Variants in TDRD12 observed in about 807,000 individuals in gnomAD.
TDRD12 encodes the protein tudor domain containing 12.
A neutral mutation model predicts 133.5 loss-of-function variants in TDRD12; 158 were observed. That is an observed-to-expected ratio of 1.18 (90% CI 1.04 to 1.35). TDRD12 has a LOEUF of 1.35. Among genes scored for constraint, TDRD12 ranks in the 40% most tolerant of loss-of-function variants. The pLI, the probability that TDRD12 is intolerant of heterozygous loss-of-function variation, is 0.00. For synonymous variants in TDRD12, 460 were observed against 477.9 expected, an observed-to-expected ratio of 0.96 and a Z score of 0.49; for missense variants, 1,443 against 1,321.3, an observed-to-expected ratio of 1.09 and a Z score of -1.43.
chr19:32,781,341 C>G (rs1970760066), intron 11 of TDRD12, among the ~76,000 whole-genome samples: 1 of 152,212 alleles, frequency 6.6e-6, no homozygotes, highest in African/African-American at 2.4e-5. Flanking sequence ...CAGACCCTTT[C>G]TGCCTGCTTT....
intron 6 of TDRD12, among the ~76,000 whole-genome samples, chr19:32,750,789 A>G (rs771636769): frequency 1.3e-5 from 2 of 152,116 alleles, no homozygotes; most frequent in Non-Finnish European, 2.9e-5. Flanking sequence ...GTTTTGTAGA[A>G]TGTTCCTCAA....
chr19:32,750,820 T>C lies in TDRD12; in HGVS notation c.582+951T>C, dbSNP rs60277599. 1.0e-3 allele frequency among the ~76,000 whole-genome samples: 158 copies of C among 152,318 alleles called. 3 individuals carry two copies. The East Asian group carries it at 0.02, about 20-fold the overall frequency. ...CTCAATTTGGTTTGCCTGATGTTCC[T>C]CATCATTGTATTAAGGCTATGCATT... On this transcript the variant is annotated intron_variant, in intron 6 of 27. Transcript: ENST00000444215.
exon 10 of TDRD12, chr19:32,827,372 C>CTTTTATT: frequency 1.7e-5 from 2 of 120,310 alleles, no homozygotes; most frequent in Non-Finnish European, 2.7e-5. Flanking sequence ...CTTTTCTTTT[C>CTTTTATT]TTTTTTTTTT....
At chr19:32,782,623 C>T (rs972182870) in intron 11 of TDRD12, among the ~76,000 whole-genome samples, 32 of 152,232 alleles carry the variant, frequency 2.1e-4, no homozygotes, top group Admixed American at 1.8e-3. Flanking sequence ...TCCTCTCCAG[C>T]GTCTGTTGTT....
intron 8 of TDRD12, among the ~76,000 whole-genome samples, chr19:32,768,053 C>T (rs1019171878): frequency 6.6e-6 from 1 of 152,170 alleles, no homozygotes. Flanking sequence ...CATAGCTGGA[C>T]TCATTTTCTT....
chr19:32,824,305 A>G (rs140156554), downstream of TDRD12: 1 of 152,672 alleles, frequency 6.5e-6, no homozygotes, highest in East Asian at 1.9e-4. Context: ...TTAGGGCAGC[A>G]TTCCTCCGCA....
chr19:32,756,082 A>AG lies in TDRD12; in HGVS notation c.674dup (p.Leu226IlefsTer11), dbSNP rs1238750733. On this transcript the variant is annotated frameshift_variant, in exon 7 of 28. Transcript: ENST00000444215. LOFTEE classifies it high-confidence loss of function. ...AAACCTTGATTATTTAGAAAAACCA[A>AG]GATTGAATATAAAATCAGCACCCTC... The AG allele has an allele frequency of 8.8e-6, 13 of 1,484,212 alleles. No homozygotes were observed. The highest frequency in any genetic ancestry group is 1.1e-5 in the Non-Finnish European group (12 of 1,123,808). 91.9% of individuals were successfully genotyped at this position (1,484,212 alleles called of 1,614,324 possible). A position where few individuals can be genotyped will look rare whatever the true frequency, so the allele number is the denominator to read the frequency against.
intron 2 of TDRD12, among the ~76,000 whole-genome samples, chr19:32,733,134 T>C (rs1396467050): frequency 6.6e-6 from 1 of 152,166 alleles, no homozygotes; most frequent in East Asian, 1.9e-4. Flanking sequence ...TTTGCGCCAC[T>C]GCACTCTAGC....
At chr19:32,827,515 G>A (rs1967635319) in exon 10 of TDRD12, 1 of 208,040 alleles carries the variant, frequency 4.8e-6, no homozygotes, top group African/African-American at 2.3e-5. Context: ...GAGTAGCTGG[G>A]ATTACAGGCA....
Position 32,818,145 on chromosome 19 carries a change from AG to A in TDRD12, c.3378del (p.Gln1127ArgfsTer47), listed in dbSNP as rs1331884293. 1.4e-5 allele frequency: 10 copies of A among 701,374 alleles called. No homozygotes were observed. Among genetic ancestry groups the A allele is most frequent in the Admixed American group, 4.0e-5 (2 of 49,730 alleles). The allele number at this position is 701,374 out of a possible 1,614,324, so 43.4% of individuals were successfully genotyped here. ...GACCAGGATCATCCATCCGAGGAGC[AG>A]GGGGGGCAGGGGTGAGTAAGAACAC... On this transcript the variant is annotated frameshift_variant, in exon 27 of 28. Coordinates refer to ENST00000444215, the Ensembl canonical transcript of TDRD12. LOFTEE classifies it low-confidence loss of function (END_TRUNC).
intron 8 of TDRD12, among the ~76,000 whole-genome samples, chr19:32,767,007 C>T (rs180882829): frequency 1.2e-3 from 187 of 152,148 alleles, no homozygotes; most frequent in Middle Eastern, 3.4e-3. Flanking sequence ...AGCAGTATTA[C>T]GCACTTCATG....
At chr19:32,818,978 G>A (rs989712097) in intron 27 of TDRD12, among the ~76,000 whole-genome samples, 3 of 152,074 alleles carry the variant, frequency 2.0e-5, no homozygotes, top group African/African-American at 7.2e-5. Flanking sequence ...GTTAGTGGTT[G>A]TTGGTGACCT....
intron 13 of TDRD12, among the ~76,000 whole-genome samples, chr19:32,793,343 A>G (rs904062639): frequency 1.3e-5 from 2 of 152,206 alleles, no homozygotes; most frequent in African/African-American, 4.8e-5. Flanking sequence ...TTTGTCAAGA[A>G]GATATTAAAA....
chr19:32,774,697 C>T (rs148077116), intron 10 of TDRD12, among the ~76,000 whole-genome samples: 1 of 152,172 alleles, frequency 6.6e-6, no homozygotes, highest in Non-Finnish European at 1.5e-5. Flanking sequence ...TTATGATATA[C>T]TGGCCAGGCA....
downstream of TDRD12, among the ~76,000 whole-genome samples, chr19:32,821,658 G>T (rs895441558): frequency 6.6e-6 from 1 of 152,174 alleles, no homozygotes; most frequent in African/African-American, 2.4e-5. Flanking sequence ...GATTATAGGC[G>T]TGAGCCACTG....
intron 9 of TDRD12, 89 bp downstream of exon 9, chr19:32,772,939 A>G (rs1046697940): frequency 4.5e-6 from 3 of 661,602 alleles, no homozygotes; most frequent in African/African-American, 3.8e-5. Flanking sequence ...GAAACCAAAA[A>G]TATGTTTTCT....
At chr19:32,732,613 C>T (rs1969093579) in intron 2 of TDRD12, among the ~76,000 whole-genome samples, 1 of 152,224 alleles carries the variant, frequency 6.6e-6, no homozygotes, top group South Asian at 2.1e-4. Context: ...CTTGCAGACT[C>T]AGCTCTCACT....
intron 8 of TDRD12, among the ~76,000 whole-genome samples, chr19:32,759,466 A>G (rs1315549927): frequency 1.3e-5 from 2 of 151,048 alleles, no homozygotes; most frequent in African/African-American, 2.4e-5. Context: ...GCTTGATTGC[A>G]GTAGTGTGAT....
At chr19:32,725,496 G>C (rs1317317260) in intron 1 of TDRD12, among the ~76,000 whole-genome samples, 1 of 152,000 alleles carries the variant, frequency 6.6e-6, no homozygotes, top group Non-Finnish European at 1.5e-5. Flanking sequence ...GCCTGTTTTT[G>C]TCAGGTTTGT....
Sources: gnomAD v4.1 joint callset for allele counts (sites outside exome capture counted in the v4.1 genomes callset) on GRCh38, gnomAD v4.1.1 for gene constraint, MANE v1.5 for transcripts, NCBI Gene and HGNC (gene_info 2026-07-23, HGNC 2026-07-21) for gene names.